The following PDE1C variants were observed in gnomAD, a reference collection of about 807,000 sequenced individuals.
PDE1C encodes the protein dual specificity calcium/calmodulin-dependent 3',5'-cyclic nucleotide phosphodiesterase 1C.
Under a neutral mutation model 93.1 loss-of-function variants are expected in PDE1C, and 62 were observed. That is an observed-to-expected ratio of 0.67 (90% confidence interval 0.54 to 0.82). The LOEUF is 0.82. Ranked by LOEUF, PDE1C falls within the 40% of genes least tolerant of loss-of-function variation. The pLI is 0.00. For missense variants in PDE1C, 742 were observed against 884.6 expected, an observed-to-expected ratio of 0.84 and a Z score of 2.04; for synonymous variants, 325 against 310.1, an observed-to-expected ratio of 1.05 and a Z score of -0.50.
intron 3 of PDE1C, among the ~76,000 whole-genome samples, chr7:32,146,635 T>C (rs1220608898): frequency 6.6e-6 from 1 of 152,162 alleles, no homozygotes; most frequent in African/African-American, 2.4e-5. Flanking sequence ...CTTTTTGCCA[T>C]GTGAGGGAAC....
chr7:31,811,391 G>A (rs1787528859), intron 15 of PDE1C, among the ~76,000 whole-genome samples: 2 of 152,054 alleles, frequency 1.3e-5, no homozygotes, highest in African/African-American at 4.8e-5. Context: ...CTAGGTGGAA[G>A]AATTGAGGAG....
At chr7:31,733,862 G>C in the PDE1C span, among the ~76,000 whole-genome samples, 1 of 152,094 alleles carries the variant, frequency 6.6e-6, no homozygotes, top group Non-Finnish European at 1.5e-5. Context: ...ACATTAGCCA[G>C]GCATGGTGGC....
At chr7:32,052,919 C>T (rs1246197024) in intron 1 of PDE1C, among the ~76,000 whole-genome samples, 1 of 152,034 alleles carries the variant, frequency 6.6e-6, no homozygotes, top group Non-Finnish European at 1.5e-5. Flanking sequence ...TCCAAATTTT[C>T]TTTAAAGAGT....
At chr7:31,870,295 G>T (rs1191892641) in intron 6 of PDE1C, among the ~76,000 whole-genome samples, 1 of 151,684 alleles carries the variant, frequency 6.6e-6, no homozygotes, top group Non-Finnish European at 1.5e-5. Context: ...ACAATGCAAT[G>T]GAGCAATGAA....
At chr7:31,709,765 G>T in the PDE1C span, among the ~76,000 whole-genome samples, 9 of 152,304 alleles carry the variant, frequency 5.9e-5, no homozygotes, top group East Asian at 1.7e-3. Context: ...GCCAGGTAAA[G>T]TAGAAATTTC....
Position 31,892,715 on chromosome 7 carries a change from G to A in PDE1C, c.129-11855C>T, listed in dbSNP as rs142817416. Among the ~76,000 whole-genome samples, 4 of 152,160 alleles carry A rather than the reference G, an allele frequency of 2.6e-5. No homozygotes were observed. In the Middle Eastern group the frequency reaches 0.01, roughly 388 times the overall value. On this transcript the variant is annotated intron_variant, in intron 2 of 17. Transcript: ENST00000396191. ...CTGAATATGAGAACATGTGGTATTT[G>A]TCTTTCTGTGTCTGGCTTATTTCAC...
At chr7:31,716,243 C>T in the PDE1C span, among the ~76,000 whole-genome samples, 149 of 152,152 alleles carry the variant, frequency 9.8e-4, 1 homozygote, top group African/African-American at 3.4e-3. Context: ...ATCTTCCTAC[C>T]CATCACCTTC....
chr7:32,150,810 T>C (rs1161810981), intron 3 of PDE1C, among the ~76,000 whole-genome samples: 5 of 152,312 alleles, frequency 3.3e-5, no homozygotes, highest in East Asian at 1.9e-4. Flanking sequence ...GGGGCAACCA[T>C]TGTAGTCCAC....
At chr7:32,134,365 A>ACAAAAGACAAAGAC (rs2128774401) in intron 3 of PDE1C, among the ~76,000 whole-genome samples, 1 of 152,274 alleles carries the variant, frequency 6.6e-6, no homozygotes, top group African/African-American at 2.4e-5. Flanking sequence ...TTGAATTGAG[A>ACAAAAGACAAAGAC]CAAAAGACAA....
chr7:31,865,273 G>A (rs372043397), intron 6 of PDE1C, among the ~76,000 whole-genome samples, 191 bp from the exon 7 acceptor site: 1 of 152,210 alleles, frequency 6.6e-6, no homozygotes, highest in Non-Finnish European at 1.5e-5. Flanking sequence ...GTCCTTGGTT[G>A]AGAAATAGCC....
At chr7:32,303,653 T>C (rs929476057), upstream of PDE1C, among the ~76,000 whole-genome samples, 1 of 152,128 alleles carries the variant, frequency 6.6e-6, no homozygotes, top group Non-Finnish European at 1.5e-5. Flanking sequence ...ATAAAAAGTG[T>C]GTGCTTACAT....
At chr7:31,670,462 C>T in the PDE1C span, among the ~76,000 whole-genome samples, 19 of 152,182 alleles carry the variant, frequency 1.2e-4, no homozygotes, top group African/African-American at 4.6e-4. Context: ...CGATTTTCTT[C>T]CAGGTTCTAC....
upstream of PDE1C, chr7:32,071,095 C>A (rs1226764849): frequency 1.0e-6 from 1 of 985,500 alleles, no homozygotes; most frequent in Non-Finnish European, 1.2e-6. Flanking sequence ...CGGGCACCGC[C>A]GTCTGCCGGG....
At position 32,139,391 on chromosome 7, in the gene PDE1C, T is replaced by C. The variant is rs1342608889; in HGVS notation, c.308+30394A>G. Among the ~76,000 whole-genome samples, 4 of 150,308 alleles carry C rather than the reference T, an allele frequency of 2.7e-5. No individual in the cohort carries two copies. In the Admixed American group the frequency reaches 2.7e-4, roughly 10 times the overall value. On this transcript the variant is annotated intron_variant, in intron 3 of 18. Transcript: ENST00000396193. ...CAATCATTCTTTAGACATGATTTAG[T>C]GAGAGTCCTTCAAACTCTGTGAAGA...
At chr7:31,818,842 T>C (rs1788598754) in intron 14 of PDE1C, among the ~76,000 whole-genome samples, 1 of 152,106 alleles carries the variant, frequency 6.6e-6, no homozygotes, top group Non-Finnish European at 1.5e-5. Flanking sequence ...AAGTTGGAAA[T>C]AATTTTGATA....
chr7:32,147,329 A>AAAGAAAGAAAGAAAGG (rs1554513895), intron 3 of PDE1C, among the ~76,000 whole-genome samples: 3 of 143,978 alleles, frequency 2.1e-5, no homozygotes, highest in Non-Finnish European at 3.1e-5. Context: ...AGAAAGAAAG[A>AAAGAAAGAAAGAAAGG]AAGACGCTGT....
the PDE1C span, among the ~76,000 whole-genome samples, chr7:31,735,859 C>A: frequency 1.3e-5 from 2 of 152,112 alleles, no homozygotes; most frequent in South Asian, 2.1e-4. Flanking sequence ...GTTTCAGGAC[C>A]TCCTCCTCAT....
chr7:32,220,612 G>C (rs1445193261), intron 1 of PDE1C, among the ~76,000 whole-genome samples: 1 of 151,892 alleles, frequency 6.6e-6, no homozygotes, highest in Non-Finnish European at 1.5e-5. Context: ...TCAGGAGATC[G>C]AGACCATCCT....
intron 17 of PDE1C, among the ~76,000 whole-genome samples, chr7:31,769,691 A>G (rs1443101533): frequency 1.3e-5 from 2 of 152,146 alleles, no homozygotes; most frequent in Non-Finnish European, 2.9e-5. Context: ...CACAACCATC[A>G]CCACTGTTTA....
Sources: allele counts gnomAD v4.1 joint callset (sites outside exome capture counted in the v4.1 genomes callset), GRCh38; gene constraint gnomAD v4.1.1; transcripts MANE v1.5; gene names NCBI Gene and HGNC (gene_info 2026-07-23, HGNC 2026-07-21).